BECN1: variants seen among roughly 807,000 people sequenced by gnomAD.
BECN1 encodes beclin-1.
Under a neutral mutation model 60.1 loss-of-function variants are expected in BECN1, and 15 were observed. That is an observed-to-expected ratio of 0.25 (90% CI 0.17 to 0.38). BECN1 has a LOEUF of 0.38. BECN1 is among the 10% of genes least tolerant of loss of function. The pLI is 1.00. For synonymous variants in BECN1, 179 were observed against 201.8 expected (o/e 0.89, Z 0.96); for missense variants, 424 against 548.2 (o/e 0.77, Z 2.26).
intron 10 of BECN1, chr17:42,812,506 G>T (rs1014543179): frequency 6.6e-6 from 1 of 152,002 alleles, no homozygotes; most frequent in Admixed American, 6.6e-5. Context: ...GAGGTCAGGA[G>T]ATCAAGACCA....
chr17:42,823,735 G>C lies in BECN1; in HGVS notation c.130+13C>G, dbSNP rs1429793032. 1 of 1,612,400 alleles carries C rather than the reference G, an allele frequency of 6.2e-7. No homozygotes were observed. The highest frequency in any genetic ancestry group is 1.3e-5 in the African/African-American group (1 of 75,000). ...ACATTCTTGACCACCCTCTTTCCAA[G>C]GGTCTCGCTGACCTGTGAGTTCCTG... On this transcript the variant is annotated intron_variant, in intron 2 of 11. Coordinates refer to ENST00000590099, the MANE Select transcript of BECN1 (RefSeq NM_001313998.2).
chr17:42,818,225 C>G lies in BECN1; in HGVS notation c.679G>C (p.Ala227Pro). Residue 227 changes from alanine (A) to proline (P), a missense_variant, in exon 7 of 12, where the codon GCT (alanine) becomes CCT (proline). By Grantham distance (27) the Ala-to-Pro change is conservative. Around this residue, in one of 3 missense-constraint regions of BECN1, gnomAD observed 326 missense variants for 406.2 expected, o/e 0.80. Transcript: ENST00000590099. ...AEAERLDQEE[A>P]QYQREYSEFK... ...TAGAACAGGGTGAGCACTCACTGAG[C>G]TTCCTCCTGATCCAGTCTCTCAGCC... 1 of 1,613,930 alleles carries G rather than the reference C, an allele frequency of 6.2e-7. No homozygotes were observed. Among genetic ancestry groups the G allele is most frequent in the South Asian group, 1.1e-5 (1 of 91,030 alleles).
Position 42,819,557 on chromosome 17 carries a change from G to T in BECN1, c.251C>A (p.Pro84His). 6.2e-7 allele frequency: 1 copy of T among 1,613,460 alleles called. No homozygotes were observed. ...RQDGVSRRFIPPARMMSTESA... is the reference protein window; with the variant it reads ...RQDGVSRRFIHPARMMSTESA... ...GAGAAGTAGTAGGCACCTGGCTGGG[G>T]GGATGAATCTGCGAGAGACACCATC... The change falls in exon 4 of 12, where the codon CCC becomes CAC. Residue 84 changes from proline to histidine, a missense_variant. By Grantham distance (77) the Pro-to-His change is moderately conservative (BLOSUM62 -2). Around this residue, in one of 3 missense-constraint regions of BECN1, gnomAD observed 96 missense variants for 125.6 expected, o/e 0.76. Transcript: ENST00000590099.
intron 10 of BECN1, among the ~76,000 whole-genome samples, chr17:42,813,133 T>C (rs1048131752): frequency 6.6e-6 from 1 of 151,276 alleles, no homozygotes; most frequent in African/African-American, 2.4e-5. Flanking sequence ...CGTGAGCCAC[T>C]GCACCCGGCC....
At chr17:42,814,107 G>A (rs558020256) in intron 9 of BECN1, 99 bp from the exon 10 acceptor site, 3 of 816,860 alleles carry the variant, frequency 3.7e-6, no homozygotes, top group African/African-American at 1.8e-5. Flanking sequence ...TCTGGCCAAG[G>A]GCTTCTTTTA....
At chr17:42,816,198 G>C (rs1253113361) in intron 7 of BECN1, 144 bp from the exon 8 acceptor site, 1 of 848,572 alleles carries the variant, frequency 1.2e-6, no homozygotes, top group Non-Finnish European at 1.7e-6. Context: ...CCATTCTGAG[G>C]AACATGTATG....
intron 11 of BECN1, 47 bp downstream of exon 11, chr17:42,811,608 T>C: frequency 6.4e-7 from 1 of 1,571,880 alleles, no homozygotes; most frequent in Non-Finnish European, 8.6e-7. Flanking sequence ...TTCAATTCTG[T>C]TCAATTTGGT....
chr17:42,822,847 A>T (rs892062443), intron 2 of BECN1, among the ~76,000 whole-genome samples: 1 of 139,818 alleles, frequency 7.2e-6, no homozygotes, highest in African/African-American at 2.6e-5. Flanking sequence ...ACACCCAGCA[A>T]TTTTTTTTTT....
At position 42,811,011 on chromosome 17, in the gene BECN1, T is replaced by C. The variant is rs2054989825; in HGVS notation, c.1185-83A>G. ...GGGCAGGGACTTGATCATGGGACCA[T>C]TCACGTCATTTTATCTATTAAAGAA... is the stretch of plus-strand genomic sequence containing the variant. On this transcript the variant is annotated intron_variant, in intron 11 of 11. Transcript: ENST00000590099. The C allele has an allele frequency of 2.2e-6, 3 of 1,333,980 alleles. No individual in the cohort carries two copies. The South Asian group carries it at 4.8e-5, about 21-fold the overall frequency. 82.6% of individuals were successfully genotyped at this position (1,333,980 alleles called of 1,614,324 possible).
At position 42,810,700 on chromosome 17, in the gene BECN1, T is replaced by C. The variant is rs539148454; in HGVS notation, c.*60A>G. Reference sequence around the variant, plus strand: ...TATTACCCGAATTTAATTTAAAACATGTTTGCAAACAAAACAAAATTAAAA... The same window carrying C: ...TATTACCCGAATTTAATTTAAAACACGTTTGCAAACAAAACAAAATTAAAA... On this transcript the variant is annotated 3_prime_UTR_variant, in exon 12 of 12. Coordinates refer to ENST00000590099, the MANE Select transcript of BECN1 (RefSeq NM_001313998.2). The C allele has an allele frequency of 1.1e-4, 168 of 1,497,082 alleles. 1 individual carries two copies. The East Asian group carries it at 3.7e-3, about 33-fold the overall frequency. The allele number at this position is 1,497,082 out of a possible 1,614,324, so 92.7% of individuals were successfully genotyped here. A position where few individuals can be genotyped will look rare whatever the true frequency, so the allele number is the denominator to read the frequency against.
At position 42,814,548 on chromosome 17, in the gene BECN1, T is replaced by C. The variant is rs761641647; in HGVS notation, c.956A>G (p.Asn319Ser). Residue 319 changes from asparagine (N) to serine (S), a missense_variant, in exon 9 of 12, where the codon AAT (asparagine) becomes AGT (serine). Around this residue, in one of 3 missense-constraint regions of BECN1, gnomAD observed 326 missense variants for 406.2 expected, o/e 0.80. Coordinates refer to ENST00000590099, the MANE Select transcript of BECN1 (RefSeq NM_001313998.2). The stretch of plus-strand genomic sequence containing the variant: ...CCTCTGAAATTTCAGACCCATCTTA[T>C]TGGCCAGAGCATGGAGCAGCAACAC... The part of the protein sequence containing the change: ...QTVLLLHALA[N>S]KMGLKFQRYR... The C allele has an allele frequency of 3.1e-6, 5 of 1,614,204 alleles. No homozygotes were observed. The highest frequency in any genetic ancestry group is 2.2e-5 in the East Asian group (1 of 44,886).
Position 42,810,788 on chromosome 17 carries a change from C to T in BECN1, c.1325G>A (p.Trp442Ter), listed in dbSNP as rs1364111667. The change falls in exon 12 of 12, where the codon TGG becomes TAG. Residue 442 changes from tryptophan to a stop codon, truncating the protein, a stop_gained. Transcript: ENST00000590099. LOFTEE classifies it high-confidence loss of function. ...MLTNLKWGLA[W>*]VSSQFYNK Reference sequence around the variant, plus strand: ...TTTGTTATAAAATTGTGAGGACACCCAAGCAAGACCCCACTTAAGATTCGT... The same window carrying T: ...TTTGTTATAAAATTGTGAGGACACCTAAGCAAGACCCCACTTAAGATTCGT... The T allele has an allele frequency of 3.1e-6, 5 of 1,611,988 alleles. No individual in the cohort carries two copies. The highest frequency in any genetic ancestry group is 4.2e-6 in the Non-Finnish European group (5 of 1,179,124).
At chr17:42,823,926 G>C (rs1296787492) in intron 1 of BECN1, 47 bp from the exon 2 acceptor site, 6 of 1,597,778 alleles carry the variant, frequency 3.8e-6, no homozygotes, top group Non-Finnish European at 5.1e-6. Context: ...CGACGCCCTT[G>C]ACCTCCGGCC....
In BECN1 at chr17:42,819,608, T is replaced by C; in HGVS notation, c.200A>G (p.Glu67Gly). ...TQEEETNSGE[E>G]PFIETPRQDG... ...CTGGCGAGGAGTTTCAATAAATGGC[T>C]CCTGGGAAAGAAATAAGAGGGCATT... Residue 67 changes from glutamate to glycine, a missense_variant and splice_region_variant, in exon 4 of 12, where the codon GAG (glutamate) becomes GGG (glycine). By Grantham distance (98) the Glu-to-Gly change is moderately conservative. This residue lies in a region of BECN1 where 96 missense variants were observed against 125.6 expected (regional missense o/e 0.76). Coordinates refer to ENST00000590099, the MANE Select transcript of BECN1 (RefSeq NM_001313998.2). The C allele has an allele frequency of 6.2e-7, 1 of 1,613,294 alleles. No individual in the cohort carries two copies. Among genetic ancestry groups the C allele is most frequent in the South Asian group, 1.1e-5 (1 of 90,664 alleles).
At chr17:42,814,385 T>C in intron 9 of BECN1, 139 bp downstream of exon 9, 1 of 1,159,632 alleles carries the variant, frequency 8.6e-7, no homozygotes, top group Non-Finnish European at 1.2e-6. Flanking sequence ...GAAAATCAGA[T>C]GCTGACAGCT....
intron 2 of BECN1, among the ~76,000 whole-genome samples, chr17:42,821,849 G>C (rs2055270698): frequency 6.6e-6 from 1 of 152,158 alleles, no homozygotes; most frequent in East Asian, 1.9e-4. Flanking sequence ...ATACAAGGCA[G>C]GCTATGCTAT....
At chr17:42,814,701 GA>G in intron 8 of BECN1, 28 bp from the exon 9 acceptor site, 1 of 1,612,630 alleles carries the variant, frequency 6.2e-7, no homozygotes, top group Non-Finnish European at 8.5e-7. Context: ...AAGGTGGGGG[GA>G]AATACAGGGA....
intron 9 of BECN1, 176 bp from the exon 10 acceptor site, chr17:42,814,184 AACT>A: frequency 1.8e-6 from 1 of 553,818 alleles, no homozygotes; most frequent in South Asian, 2.6e-5. Context: ...TTAATGAACA[AACT>A]ACATTTATTA....
In BECN1 at chr17:42,815,936, T is replaced by C; in HGVS notation, c.802A>G (p.Asn268Asp). The stretch of plus-strand genomic sequence containing the variant: ...ATGTGGAAGGTTGCATTAAAGACGT[T>C]GGTTTTCTTCAGCTTATCCAGCTGC... ...QTQLDKLKKT[N>D]VFNATFHIWH... The change falls in exon 8 of 12, where the codon AAC becomes GAC. Residue 268 changes from asparagine to aspartate, a missense_variant. By Grantham distance (23) the Asn-to-Asp change is conservative. Transcript: ENST00000590099. The C allele has an allele frequency of 6.2e-7, 1 of 1,614,196 alleles. No homozygotes were observed. Among genetic ancestry groups the C allele is most frequent in the Non-Finnish European group, 8.5e-7 (1 of 1,180,032 alleles).
Sources: allele counts gnomAD v4.1 joint callset (sites outside exome capture counted in the v4.1 genomes callset), GRCh38; gene constraint gnomAD v4.1.1; regional missense constraint gnomAD v4.1.1; transcripts MANE v1.5; gene names NCBI Gene and HGNC (gene_info 2026-07-23, HGNC 2026-07-21).